YTHDF3: variants seen among roughly 807,000 people sequenced by gnomAD.
The protein encoded by YTHDF3 is YTH domain-containing family protein 3.
YTHDF3 carries 9 observed loss-of-function variants against 52.5 expected under a neutral mutation model. The ratio of observed to expected loss-of-function variants is 0.17; its 90% CI spans 0.10 to 0.30. The LOEUF (loss-of-function observed/expected upper bound fraction) is 0.30, where lower values mean the gene tolerates loss of function less well. Among genes scored for constraint, YTHDF3 ranks in the 10% least tolerant of loss-of-function variants. The pLI, the probability that YTHDF3 is intolerant of heterozygous loss-of-function variation, is 1.00. For missense variants in YTHDF3, 534 were observed against 715.0 expected, an observed-to-expected ratio of 0.75 and a Z score of 2.89; for synonymous variants, 274 against 243.3, an observed-to-expected ratio of 1.13 and a Z score of -1.18.
At chr8:63,195,731 C>CGTGTGTGTGTGTGTGTGTGT (rs61277098) in intron 4 of YTHDF3, among the ~76,000 whole-genome samples, 1 of 145,266 alleles carries the variant, frequency 6.9e-6, no homozygotes, top group East Asian at 2.0e-4. Context: ...CATGTATTTA[C>CGTGTGTGTGTGTGTGTGTGT]GTGTGTGTGT....
upstream of YTHDF3, chr8:63,168,573 G>A (rs1213540250): frequency 1.5e-5 from 8 of 525,108 alleles, no homozygotes; most frequent in African/African-American, 1.0e-4. Context: ...AGGTGAGCGC[G>A]GACGTCAGAG....
At chr8:63,169,322 A>G in intron 1 of YTHDF3, 65 bp from the exon 2 acceptor site, 1 of 1,549,986 alleles carries the variant, frequency 6.5e-7, no homozygotes, top group African/African-American at 1.4e-5. Flanking sequence ...AATGCCTTTG[A>G]TTAACACACT....
intron 4 of YTHDF3, among the ~76,000 whole-genome samples, chr8:63,207,432 G>A (rs1394051894): frequency 6.6e-6 from 1 of 152,040 alleles, no homozygotes; most frequent in Non-Finnish European, 1.5e-5. Flanking sequence ...ACGTGTAAAT[G>A]ATACAAATGT....
chr8:63,186,085 A>T, intron 3 of YTHDF3, 62 bp from the exon 4 acceptor site: 4 of 1,452,394 alleles, frequency 2.8e-6, no homozygotes, highest in Non-Finnish European at 2.8e-6. Context: ...AATCTTTCAG[A>T]TTTCTTTTTT....
At chr8:63,207,303 TTTCC>T (rs1810097060) in intron 4 of YTHDF3, among the ~76,000 whole-genome samples, 1 of 152,172 alleles carries the variant, frequency 6.6e-6, no homozygotes, top group Non-Finnish European at 1.5e-5. Flanking sequence ...TTAACTTCCT[TTTCC>T]TTAAGTTTTA....
intron 4 of YTHDF3, among the ~76,000 whole-genome samples, chr8:63,199,565 G>C (rs1809466216): frequency 6.6e-6 from 1 of 152,106 alleles, no homozygotes; most frequent in African/African-American, 2.4e-5. Flanking sequence ...AATATCTTAT[G>C]TTTCCAGAAA....
intron 2 of YTHDF3, among the ~76,000 whole-genome samples, chr8:63,171,227 A>G (rs1395979163): frequency 1.3e-5 from 2 of 152,164 alleles, no homozygotes; most frequent in Non-Finnish European, 1.5e-5. Context: ...TGACTTGCCA[A>G]GTGAGCTTGA....
intron 4 of YTHDF3, among the ~76,000 whole-genome samples, chr8:63,202,493 C>T (rs1218369608): frequency 2.8e-5 from 4 of 143,966 alleles, no homozygotes; most frequent in African/African-American, 1.0e-4. Flanking sequence ...TGGAGTCTTG[C>T]TCTTGTTGCC....
intron 4 of YTHDF3, among the ~76,000 whole-genome samples, chr8:63,192,360 T>C (rs1808967981): frequency 6.6e-6 from 1 of 152,240 alleles, no homozygotes; most frequent in Non-Finnish European, 1.5e-5. Context: ...GCTAGTTGCA[T>C]ATACCTTTCT....
chr8:63,212,689 A>G lies in YTHDF3; in HGVS notation c.*2983A>G, dbSNP rs993443156. On this transcript the variant is annotated 3_prime_UTR_variant, in exon 5 of 5. Transcript: ENST00000539294. Reference sequence around the variant, plus strand: ...TGTTTGGGTTTGTTCATTCCTGTGAATGATGGTACAGTTAGGTGAGATTTT... The same window carrying G: ...TGTTTGGGTTTGTTCATTCCTGTGAGTGATGGTACAGTTAGGTGAGATTTT... The G allele has an allele frequency of 7.9e-5, 12 of 152,634 alleles. No individual in the cohort carries two copies. The highest frequency in any genetic ancestry group is 2.9e-4 in the African/African-American group (12 of 41,450). 9.5% of individuals were successfully genotyped at this position (152,634 alleles called of 1,614,324 possible).
rs1168326407 is a variant in YTHDF3 at position 63,211,859 on chromosome 8, A to G, written c.*2153A>G. On this transcript the variant is annotated 3_prime_UTR_variant, in exon 5 of 5. Coordinates refer to ENST00000539294, the MANE Select transcript of YTHDF3 (RefSeq NM_152758.6). The stretch of plus-strand genomic sequence containing the variant: ...TGAAATGGGTGCAGCATTCCTTTGG[A>G]AAAAAAAATCTTTTTATTTTCAAGT... The G allele has an allele frequency of 2.0e-5, 3 of 151,088 alleles. No homozygotes were observed. Among genetic ancestry groups the G allele is most frequent in the African/African-American group, 5.0e-5 (2 of 40,350 alleles). The allele number at this position is 151,088 out of a possible 1,614,324, so 9.4% of individuals were successfully genotyped here.
At chr8:63,168,577 G>C (rs993898184), upstream of YTHDF3, 1 of 538,866 alleles carries the variant, frequency 1.9e-6, no homozygotes, top group Non-Finnish European at 3.3e-6. Context: ...GAGCGCGGAC[G>C]TCAGAGTGGA....
chr8:63,199,714 T>A (rs1031044026), intron 4 of YTHDF3, among the ~76,000 whole-genome samples: 1 of 152,226 alleles, frequency 6.6e-6, no homozygotes, highest in African/African-American at 2.4e-5. Flanking sequence ...GAGTTATTCT[T>A]CCATAAGGGT....
chr8:63,193,614 A>G (rs1159447763), intron 4 of YTHDF3, among the ~76,000 whole-genome samples: 1 of 152,090 alleles, frequency 6.6e-6, no homozygotes, highest in Admixed American at 6.5e-5. Context: ...ATATTTTTAA[A>G]AGAATATATA....
In YTHDF3 at chr8:63,190,701, T is replaced by G. The variant is rs962060281; in HGVS notation, c.1734+2956T>G. Among the ~76,000 whole-genome samples the G allele has an allele frequency of 5.3e-5, 8 of 152,152 alleles. No individual in the cohort carries two copies. The South Asian group carries it at 6.2e-4, about 12-fold the overall frequency. Reference sequence around the variant, plus strand: ...ACCAACCTGTAATCAATCCAGCTGTTTATCTCACTTCCGTTTTCTGTATAT... The same window carrying G: ...ACCAACCTGTAATCAATCCAGCTGTGTATCTCACTTCCGTTTTCTGTATAT... On this transcript the variant is annotated intron_variant, in intron 4 of 4. Transcript: ENST00000539294.
At chr8:63,200,770 AG>A (rs761102512) in intron 4 of YTHDF3, among the ~76,000 whole-genome samples, 22 of 152,218 alleles carry the variant, frequency 1.4e-4, no homozygotes, top group Non-Finnish European at 2.6e-4. Flanking sequence ...CTTTATTTCT[AG>A]CAAATACAAT....
intron 4 of YTHDF3, among the ~76,000 whole-genome samples, chr8:63,195,217 A>T (rs1300749556): frequency 6.6e-6 from 1 of 152,210 alleles, no homozygotes; most frequent in Non-Finnish European, 1.5e-5. Context: ...TTATATTTGA[A>T]AACATAATTT....
intron 4 of YTHDF3, among the ~76,000 whole-genome samples, chr8:63,207,800 A>C (rs1228983719): frequency 2.0e-5 from 3 of 152,084 alleles, no homozygotes; most frequent in East Asian, 3.9e-4. Context: ...AGTTTTGATC[A>C]CTTATTTTAT....
intron 4 of YTHDF3, among the ~76,000 whole-genome samples, chr8:63,189,802 CTAGT>C (rs1808800128): frequency 6.6e-6 from 1 of 152,134 alleles, no homozygotes; most frequent in African/African-American, 2.4e-5. Flanking sequence ...GATTCTGGTG[CTAGT>C]TATTGATTGC....
Sources: gnomAD v4.1 joint callset for allele counts (sites outside exome capture counted in the v4.1 genomes callset) on GRCh38, gnomAD v4.1.1 for gene constraint, MANE v1.5 for transcripts, NCBI Gene and HGNC (gene_info 2026-07-23, HGNC 2026-07-21) for gene names.